GKAP1: variants seen among roughly 807,000 people sequenced by gnomAD.
GKAP1 encodes G kinase anchoring protein 1.
A neutral mutation model predicts 56.7 loss-of-function variants in GKAP1; 31 were observed. The observed-to-expected ratio is 0.55, with a 90% CI of 0.41 to 0.74. The LOEUF is 0.74. GKAP1 is among the 30% of genes least tolerant of loss of function. The pLI is 0.00. For missense variants in GKAP1, 364 were observed against 402.3 expected (o/e 0.90, Z 0.82); for synonymous variants, 151 against 138.6 (o/e 1.09, Z -0.63).
rs747729701 is a variant in GKAP1, at chr9:83,806,351, C to CT, written c.166dup (p.Arg56LysfsTer14). 6.4e-7 allele frequency: 1 copy of CT among 1,558,282 alleles called. No individual in the cohort carries two copies. Among genetic ancestry groups the CT allele is most frequent in the Non-Finnish European group, 8.7e-7 (1 of 1,150,358 alleles). ...TTCCTTCTTTTTTCTTCTTTTCTCTCTTTTTTTCTCATTTGTAGTTGACTT... is the reference window on the plus strand; with the variant it reads ...TTCCTTCTTTTTTCTTCTTTTCTCTCTTTTTTTTCTCATTTGTAGTTGACTT... On this transcript the variant is annotated frameshift_variant, in exon 3 of 13. Transcript: ENST00000376371. LOFTEE classifies it high-confidence loss of function.
At chr9:83,768,015 A>T (rs1156503050) in intron 8 of GKAP1, among the ~76,000 whole-genome samples, 1 of 152,148 alleles carries the variant, frequency 6.6e-6, no homozygotes. Flanking sequence ...GTATTTTGAA[A>T]ATATGAATGC....
chr9:83,764,455 A>G lies in GKAP1; in HGVS notation c.738+4363T>C, dbSNP rs375849379. On this transcript the variant is annotated intron_variant, in intron 8 of 12. Transcript: ENST00000376371. ...TGAGTCAAACCTCTTTTCTTTATAA[A>G]TTACCCAATCTCGGGTATTTCTTCA... Among the ~76,000 whole-genome samples the G allele has an allele frequency of 4.6e-5, 7 of 152,144 alleles. No individual in the cohort carries two copies. In the East Asian group the frequency reaches 5.8e-4, roughly 13 times the overall value.
intron 4 of GKAP1, among the ~76,000 whole-genome samples, chr9:83,797,055 C>T (rs1192133499): frequency 6.6e-6 from 1 of 152,178 alleles, no homozygotes; most frequent in Non-Finnish European, 1.5e-5. Context: ...ACAAGATCAA[C>T]TGAGATCCAG....
intron 2 of GKAP1, among the ~76,000 whole-genome samples, chr9:83,807,522 AT>A (rs1487994894): frequency 6.6e-6 from 1 of 152,222 alleles, no homozygotes; most frequent in African/African-American, 2.4e-5. Context: ...ATTTGAAAAA[AT>A]TAAGATGAAC....
intron 9 of GKAP1, among the ~76,000 whole-genome samples, chr9:83,752,490 G>A (rs1384397728): frequency 6.6e-6 from 1 of 152,124 alleles, no homozygotes; most frequent in East Asian, 1.9e-4. Context: ...AACACTGTAT[G>A]ATTCCACTTA....
chr9:83,772,790 C>A (rs1943784375), intron 7 of GKAP1, among the ~76,000 whole-genome samples: 1 of 151,940 alleles, frequency 6.6e-6, no homozygotes, highest in South Asian at 2.1e-4. Context: ...ATAGATATTT[C>A]CAGAAGATAT....
Position 83,741,946 on chromosome 9 carries a change from G to C in GKAP1, c.1053+6C>G, listed in dbSNP as rs1195248752. 6.6e-7 allele frequency: 1 copy of C among 1,509,766 alleles called. No homozygotes were observed. 93.5% of individuals were successfully genotyped at this position (1,509,766 alleles called of 1,614,324 possible). On this transcript the variant is annotated splice_donor_region_variant and intron_variant, in intron 12 of 12. Coordinates refer to ENST00000376371, the MANE Select transcript of GKAP1 (RefSeq NM_025211.4). ...ATAAAAACACTTATAAATTATAAAAGCATACCTGGTATTTGGCTAACTCTG... is the reference window on the plus strand; with the variant it reads ...ATAAAAACACTTATAAATTATAAAACCATACCTGGTATTTGGCTAACTCTG...
At chr9:83,808,390 G>A (rs910001676) in intron 2 of GKAP1, among the ~76,000 whole-genome samples, 1 of 152,130 alleles carries the variant, frequency 6.6e-6, no homozygotes, top group Non-Finnish European at 1.5e-5. Flanking sequence ...GAGGCCAGGA[G>A]TTCGAAACCA....
At chr9:83,775,740 T>C (rs1432498548) in intron 7 of GKAP1, among the ~76,000 whole-genome samples, 1 of 151,364 alleles carries the variant, frequency 6.6e-6, no homozygotes, top group African/African-American at 2.4e-5. Flanking sequence ...CTGGGCGTGG[T>C]GCTGGGCGCC....
chr9:83,799,484 T>A (rs1371767595), intron 3 of GKAP1, among the ~76,000 whole-genome samples, 156 bp from the exon 4 acceptor site: 1 of 152,234 alleles, frequency 6.6e-6, no homozygotes, highest in Non-Finnish European at 1.5e-5. Context: ...TTGTGTTTTC[T>A]ATAATCTTTG....
intron 2 of GKAP1, among the ~76,000 whole-genome samples, chr9:83,806,905 T>C (rs1327828856): frequency 1.3e-5 from 2 of 152,152 alleles, no homozygotes; most frequent in Non-Finnish European, 2.9e-5. Context: ...AAGAATATCA[T>C]TTTTTCATGA....
chr9:83,812,683 C>G (rs1944528770), intron 2 of GKAP1, among the ~76,000 whole-genome samples: 1 of 151,272 alleles, frequency 6.6e-6, no homozygotes, highest in Non-Finnish European at 1.5e-5. Context: ...AAAACAACCT[C>G]AAAAAGAAAA....
At chr9:83,746,581 T>G (rs1350807136) in intron 10 of GKAP1, among the ~76,000 whole-genome samples, 1 of 152,058 alleles carries the variant, frequency 6.6e-6, no homozygotes, top group African/African-American at 2.4e-5. Context: ...CAGGCGCCTG[T>G]AGTCCCAGCT....
chr9:83,771,562 A>G (rs745385727), intron 7 of GKAP1, among the ~76,000 whole-genome samples: 4 of 152,220 alleles, frequency 2.6e-5, no homozygotes, highest in Non-Finnish European at 4.4e-5. Context: ...GCAACACTTT[A>G]TATCTTGCAA....
chr9:83,809,847 G>C (rs1020311322), intron 2 of GKAP1, among the ~76,000 whole-genome samples: 2 of 152,056 alleles, frequency 1.3e-5, no homozygotes. Flanking sequence ...TCGCTCTGTC[G>C]CCCAGGCTGG....
At chr9:83,786,903 T>C (rs1944073969) in intron 5 of GKAP1, among the ~76,000 whole-genome samples, 1 of 152,180 alleles carries the variant, frequency 6.6e-6, no homozygotes, top group African/African-American at 2.4e-5. Flanking sequence ...TAGACATATA[T>C]CCATAAGTCT....
chr9:83,765,341 G>C (rs1943643919), intron 8 of GKAP1, among the ~76,000 whole-genome samples: 1 of 152,238 alleles, frequency 6.6e-6, no homozygotes, highest in Non-Finnish European at 1.5e-5. Context: ...TCCAGGTAGA[G>C]AGGTGTGCTA....
chr9:83,781,619 G>C (rs1373444906), intron 6 of GKAP1, among the ~76,000 whole-genome samples: 3 of 152,126 alleles, frequency 2.0e-5, no homozygotes, highest in Non-Finnish European at 4.4e-5. Context: ...AAATTAGACA[G>C]TCACTCTTCT....
intron 7 of GKAP1, among the ~76,000 whole-genome samples, chr9:83,778,058 C>T (rs1192585346): frequency 1.3e-5 from 2 of 152,082 alleles, no homozygotes; most frequent in African/African-American, 4.8e-5. Context: ...CAGATACTGG[C>T]AGGGTCACAG....
Sources: allele counts gnomAD v4.1 joint callset (sites outside exome capture counted in the v4.1 genomes callset), GRCh38; gene constraint gnomAD v4.1.1; transcripts MANE v1.5; gene names NCBI Gene and HGNC (gene_info 2026-07-23, HGNC 2026-07-21).